PDSS2: variants seen among roughly 807,000 people sequenced by gnomAD.
PDSS2 encodes decaprenyl diphosphate synthase subunit 2, also known as all trans-polyprenyl-diphosphate synthase PDSS2.
PDSS2 carries 31 observed loss-of-function variants against 44.5 expected under a neutral mutation model. The observed-to-expected ratio is 0.70, with a 90% confidence interval of 0.52 to 0.94. The LOEUF (loss-of-function observed/expected upper bound fraction) is 0.94. PDSS2 is among the 40% of genes least tolerant of loss of function. PDSS2 has a pLI of 0.00. For missense variants in PDSS2, 452 were observed against 482.2 expected (o/e 0.94, Z 0.59); for synonymous variants, 157 against 180.3 (o/e 0.87, Z 1.03).
intron 1 of PDSS2, among the ~76,000 whole-genome samples, chr6:107,354,354 A>T (rs1047991943): frequency 6.6e-6 from 1 of 152,266 alleles, no homozygotes; most frequent in Non-Finnish European, 1.5e-5. Flanking sequence ...ATGAGAAATT[A>T]TGAAACAGGA....
chr6:107,285,236 T>G (rs1245298098), intron 2 of PDSS2, among the ~76,000 whole-genome samples: 1 of 152,198 alleles, frequency 6.6e-6, no homozygotes, highest in East Asian at 1.9e-4. Flanking sequence ...CTGATTTTTA[T>G]GTTCATATGG....
At chr6:107,293,217 C>T (rs139645279) in intron 2 of PDSS2, among the ~76,000 whole-genome samples, 18 of 152,286 alleles carry the variant, frequency 1.2e-4, no homozygotes, top group African/African-American at 3.4e-4. Flanking sequence ...ACTCAAGTGA[C>T]GGCTCATTTC....
At chr6:107,378,973 T>C (rs974347088) in intron 1 of PDSS2, among the ~76,000 whole-genome samples, 1 of 152,170 alleles carries the variant, frequency 6.6e-6, no homozygotes, top group Non-Finnish European at 1.5e-5. Flanking sequence ...GTAGTGTTTA[T>C]CAAGTTTCTT....
chr6:107,349,751 A>AAAGC (rs142704284), intron 1 of PDSS2, among the ~76,000 whole-genome samples: 1 of 151,504 alleles, frequency 6.6e-6, no homozygotes, highest in Non-Finnish European at 1.5e-5. Context: ...CTCAGCCTCA[A>AAAGC]AAACAAACAA....
chr6:107,395,691 TCAA>T (rs1779918073), intron 1 of PDSS2, among the ~76,000 whole-genome samples: 1 of 152,216 alleles, frequency 6.6e-6, no homozygotes, highest in Non-Finnish European at 1.5e-5. Flanking sequence ...TGTAGCTATT[TCAA>T]CATTCTTGTT....
intron 7 of PDSS2, among the ~76,000 whole-genome samples, chr6:107,178,757 A>G (rs932314838): frequency 6.6e-6 from 1 of 152,206 alleles, no homozygotes; most frequent in Non-Finnish European, 1.5e-5. Flanking sequence ...GAAGTGGCTC[A>G]CATCTGTAAT....
At chr6:107,409,398 T>A (rs937202205) in intron 1 of PDSS2, among the ~76,000 whole-genome samples, 6 of 152,158 alleles carry the variant, frequency 3.9e-5, no homozygotes, top group Admixed American at 2.6e-4. Context: ...ATTTTTTTTT[T>A]AATTAGGGAA....
chr6:107,356,117 G>A (rs959015806), intron 1 of PDSS2, among the ~76,000 whole-genome samples: 5 of 152,180 alleles, frequency 3.3e-5, no homozygotes, highest in African/African-American at 7.2e-5. Flanking sequence ...CCAGACTGAG[G>A]TATGAAAAAA....
intron 7 of PDSS2, among the ~76,000 whole-genome samples, chr6:107,190,322 C>T (rs562398215): frequency 6.6e-6 from 1 of 152,120 alleles, no homozygotes; most frequent in East Asian, 1.9e-4. Flanking sequence ...CCCTATCCCC[C>T]GATTTTCTCC....
intron 2 of PDSS2, among the ~76,000 whole-genome samples, chr6:107,294,772 C>T (rs1776455907): frequency 6.6e-6 from 1 of 152,078 alleles, no homozygotes; most frequent in South Asian, 2.1e-4. Context: ...GACTAATAAG[C>T]AATGGGGCTA....
chr6:107,225,165 T>TATA (rs1562389540), intron 4 of PDSS2, among the ~76,000 whole-genome samples: 1 of 39,748 alleles, frequency 2.5e-5, no homozygotes. Context: ...ATATATATTT[T>TATA]TTTTTTTTTT....
At chr6:107,213,121 C>T (rs946042549) in intron 4 of PDSS2, among the ~76,000 whole-genome samples, 18 of 151,830 alleles carry the variant, frequency 1.2e-4, no homozygotes, top group Non-Finnish European at 1.9e-4. Flanking sequence ...GCGATCCTTC[C>T]ATCTCAGCCT....
rs115263973 is a variant in PDSS2, at chr6:107,173,859, T to C, written c.1042-19082A>G. Among the ~76,000 whole-genome samples the C allele has an allele frequency of 6.4e-3, 975 of 152,266 alleles. 11 individuals are homozygous for C. Among genetic ancestry groups the C allele is most frequent in the African/African-American group, 0.022 (933 of 41,542 alleles). On this transcript the variant is annotated intron_variant, in intron 7 of 7. Transcript: ENST00000369037. Reference sequence around the variant, plus strand: ...AGGGATAATTATATAGTTGTATATTTAGGTTTCAAAAATTAATTGTAAAAG... The same window carrying C: ...AGGGATAATTATATAGTTGTATATTCAGGTTTCAAAAATTAATTGTAAAAG...
Position 107,291,227 on chromosome 6 carries a change from C to T in PDSS2, c.432-17000G>A, listed in dbSNP as rs115599907. ...GGATTTTCCTATTTTGTCATTTATT[C>T]ATGTTGATAACTTAAATTAAAATGG... On this transcript the variant is annotated intron_variant, in intron 2 of 7. Coordinates refer to ENST00000369037, the MANE Select transcript of PDSS2 (RefSeq NM_020381.4). Among the ~76,000 whole-genome samples the T allele has an allele frequency of 8.4e-3, 1,280 of 152,048 alleles. 14 individuals are homozygous for T. Among genetic ancestry groups the T allele is most frequent in the African/African-American group, 0.027 (1,123 of 41,482 alleles).
At chr6:107,160,013 C>T (rs1298331515) in intron 7 of PDSS2, among the ~76,000 whole-genome samples, 1 of 151,870 alleles carries the variant, frequency 6.6e-6, no homozygotes, top group African/African-American at 2.4e-5. Context: ...GTCAGGAGTT[C>T]GAGATCAGAC....
At chr6:107,354,269 C>A (rs929522246) in intron 1 of PDSS2, among the ~76,000 whole-genome samples, 4 of 152,090 alleles carry the variant, frequency 2.6e-5, no homozygotes, top group Non-Finnish European at 5.9e-5. Flanking sequence ...ACAAGGAGAA[C>A]ATAATAGATT....
At chr6:107,454,275 T>G (rs776131550) in intron 1 of PDSS2, among the ~76,000 whole-genome samples, 6 of 152,144 alleles carry the variant, frequency 3.9e-5, no homozygotes, top group Non-Finnish European at 8.8e-5. Flanking sequence ...CTCAAACTCC[T>G]GAGCTCAAGC....
intron 2 of PDSS2, among the ~76,000 whole-genome samples, chr6:107,300,066 G>T (rs917352284): frequency 1.3e-5 from 2 of 151,832 alleles, no homozygotes; most frequent in Non-Finnish European, 2.9e-5. Flanking sequence ...ATGAAGTCTC[G>T]GCCCAAAACC....
intron 1 of PDSS2, among the ~76,000 whole-genome samples, chr6:107,365,784 G>A (rs1470045887): frequency 6.6e-6 from 1 of 151,946 alleles, no homozygotes; most frequent in Non-Finnish European, 1.5e-5. Context: ...GACAATGAAG[G>A]ACATTTCATA....
Sources: allele counts gnomAD v4.1 joint callset (sites outside exome capture counted in the v4.1 genomes callset), GRCh38; gene constraint gnomAD v4.1.1; transcripts MANE v1.5; gene names NCBI Gene and HGNC (gene_info 2026-07-23, HGNC 2026-07-21).